ATP13A5: variants seen among roughly 807,000 people sequenced by gnomAD.
The protein encoded by ATP13A5 is probable cation-transporting ATPase 13A5.
A neutral mutation model predicts 150.2 loss-of-function variants in ATP13A5; 149 were observed. The ratio of observed to expected loss-of-function variants is 0.99; its 90% CI spans 0.87 to 1.14. The LOEUF (loss-of-function observed/expected upper bound fraction) is 1.14. ATP13A5 is among the 50% of genes most tolerant of loss of function. The pLI, the probability that ATP13A5 is intolerant of heterozygous loss-of-function variation, is 0.00. For synonymous variants in ATP13A5, 497 were observed against 522.2 expected (o/e 0.95, Z 0.66); for missense variants, 1,383 against 1,449.3 (o/e 0.95, Z 0.74).
chr3:193,289,778 T>A, intron 26 of ATP13A5, 107 bp downstream of exon 26: 13 of 1,039,520 alleles, frequency 1.3e-5, no homozygotes, highest in Non-Finnish European at 1.3e-5. Context: ...AGCGACACAA[T>A]TTGATTAATT....
At chr3:193,374,182 GTAAAATGA>G (rs1713549617) in intron 1 of ATP13A5, among the ~76,000 whole-genome samples, 1 of 152,056 alleles carries the variant, frequency 6.6e-6, no homozygotes, top group Non-Finnish European at 1.5e-5. Context: ...TCCCAGCAGG[GTAAAATGA>G]TAAAATAATA....
At chr3:193,291,608 C>A (rs1717956159) in intron 25 of ATP13A5, among the ~76,000 whole-genome samples, 2 of 152,012 alleles carry the variant, frequency 1.3e-5, no homozygotes, top group Non-Finnish European at 2.9e-5. Flanking sequence ...ATCAGCCTGA[C>A]CTCCAGATAG....
At chr3:193,378,521 A>G in intron 1 of ATP13A5, 142 bp downstream of exon 1, 1 of 740,276 alleles carries the variant, frequency 1.4e-6, no homozygotes, top group Non-Finnish European at 2.3e-6. Context: ...TGCAGCCCTT[A>G]AGGAACCTTA....
chr3:193,354,915 T>C (rs1158806541), intron 5 of ATP13A5, among the ~76,000 whole-genome samples: 2 of 146,018 alleles, frequency 1.4e-5, no homozygotes, highest in African/African-American at 2.6e-5. Flanking sequence ...ATTGCACACA[T>C]CTAGTATGAA....
intron 18 of ATP13A5, 76 bp downstream of exon 18, chr3:193,314,896 C>T (rs1022661080): frequency 2.2e-5 from 34 of 1,546,016 alleles, no homozygotes; most frequent in Non-Finnish European, 2.9e-5. Context: ...GATACATGAA[C>T]TCACTCAGCT....
chr3:193,281,253 A>G, intron 27 of ATP13A5: 1 of 978,656 alleles, frequency 1.0e-6, no homozygotes, highest in Non-Finnish European at 1.2e-6. Flanking sequence ...GTCTGTTCTG[A>G]TGAAGTCCTA....
chr3:193,338,289 G>A (rs887798202), intron 9 of ATP13A5, among the ~76,000 whole-genome samples: 3 of 152,182 alleles, frequency 2.0e-5, no homozygotes, highest in Non-Finnish European at 4.4e-5. Context: ...AGTGGTGAGA[G>A]AGGGCATCCC....
intron 3 of ATP13A5, among the ~76,000 whole-genome samples, 200 bp from the exon 4 acceptor site, chr3:193,362,837 C>T (rs182613475): frequency 6.6e-6 from 1 of 151,564 alleles, no homozygotes; most frequent in Non-Finnish European, 1.5e-5. Context: ...CTCTGTCACC[C>T]AGGCTGGAGT....
intron 24 of ATP13A5, among the ~76,000 whole-genome samples, 162 bp from the exon 25 acceptor site, chr3:193,299,365 G>C (rs1350439480): frequency 1.3e-5 from 2 of 152,026 alleles, no homozygotes; most frequent in African/African-American, 4.8e-5. Context: ...TCATTTTGTA[G>C]AATGAGGCCA....
At position 193,274,808 on chromosome 3, in the gene ATP13A5, A is replaced by C; in HGVS notation, c.*234T>G. On this transcript the variant is annotated 3_prime_UTR_variant, in exon 30 of 30. Coordinates refer to ENST00000342358, the MANE Select transcript of ATP13A5 (RefSeq NM_198505.4). ...AAATAATGCTATGCAAAATGAATAC[A>C]GTTTATTGAAAAGGATGATACAGGA... 1 of 582,524 alleles carries C rather than the reference A, an allele frequency of 1.7e-6. No homozygotes were observed. The highest frequency in any genetic ancestry group is 3.0e-6 in the Non-Finnish European group (1 of 335,442). 36.1% of individuals were successfully genotyped at this position (582,524 alleles called of 1,614,324 possible).
intron 9 of ATP13A5, among the ~76,000 whole-genome samples, chr3:193,337,045 G>T (rs1462735746): frequency 1.3e-5 from 2 of 151,330 alleles, no homozygotes; most frequent in African/African-American, 4.9e-5. Context: ...CTTTTGAGAA[G>T]TGTCTGTTCA....
chr3:193,288,141 T>C (rs943872825), intron 26 of ATP13A5, among the ~76,000 whole-genome samples: 4 of 152,192 alleles, frequency 2.6e-5, no homozygotes, highest in Non-Finnish European at 5.9e-5. Flanking sequence ...TTTCTTGAGA[T>C]GGAATCTGCT....
In ATP13A5 at chr3:193,279,316, A is replaced by G. The variant is rs1373012836; in HGVS notation, c.3315+50T>C. ...TTGACTTGTGAATTACAATGAATAC[A>G]TGGTCCATGTACATGAGTCATGCCA... On this transcript the variant is annotated intron_variant, in intron 28 of 29. Coordinates refer to ENST00000342358, the MANE Select transcript of ATP13A5 (RefSeq NM_198505.4). 5 of 1,360,986 alleles carry G rather than the reference A, an allele frequency of 3.7e-6. No individual in the cohort carries two copies. In the Admixed American group the frequency reaches 5.2e-5, roughly 14 times the overall value. The allele number at this position is 1,360,986 out of a possible 1,614,324, so 84.3% of individuals were successfully genotyped here. A position where few individuals can be genotyped will look rare whatever the true frequency, so the allele number is the denominator to read the frequency against.
intron 25 of ATP13A5, among the ~76,000 whole-genome samples, chr3:193,292,253 C>T (rs1459442297): frequency 6.6e-6 from 1 of 152,108 alleles, no homozygotes; most frequent in Non-Finnish European, 1.5e-5. Context: ...GCTTGGAGTT[C>T]TCTCTGTATT....
chr3:193,324,790 A>G, intron 14 of ATP13A5, 74 bp downstream of exon 14: 1 of 1,529,598 alleles, frequency 6.5e-7, no homozygotes, highest in Non-Finnish European at 8.9e-7. Context: ...GTTTTAACAA[A>G]AATTAGAAAA....
At chr3:193,335,167 G>C in intron 9 of ATP13A5, 68 bp from the exon 10 acceptor site, 1 of 1,468,642 alleles carries the variant, frequency 6.8e-7, no homozygotes, top group East Asian at 2.3e-5. Context: ...GTGCATGCCA[G>C]TTTCAAGAAA....
Position 193,333,856 on chromosome 3 carries a change from G to A in ATP13A5, c.1166C>T (p.Pro389Leu). The A allele has an allele frequency of 1.2e-6, 2 of 1,613,976 alleles. No homozygotes were observed. The highest frequency in any genetic ancestry group is 1.7e-6 in the Non-Finnish European group (2 of 1,179,890). The change falls in exon 11 of 30, where the codon CCT becomes CTT. Residue 389 changes from proline to leucine, a missense_variant. Around this residue, in one of 3 missense-constraint regions of ATP13A5, gnomAD observed 787 missense variants for 771.9 expected, o/e 1.02. Transcript: ENST00000342358. ...DLVRSILYPR[P>L]LNFKLYSDAF... Reference sequence around the variant, plus strand: ...ATCGCTGTATAGTTTGAAGTTCAGAGGCCGGGGGTACAGGATGGATCTCAC... The same window carrying A: ...ATCGCTGTATAGTTTGAAGTTCAGAAGCCGGGGGTACAGGATGGATCTCAC...
At chr3:193,329,992 T>G (rs1169463900) in intron 12 of ATP13A5, among the ~76,000 whole-genome samples, 2 of 152,182 alleles carry the variant, frequency 1.3e-5, no homozygotes, top group Non-Finnish European at 2.9e-5. Flanking sequence ...CTCCTTAGCG[T>G]GGCATATGAG....
intron 25 of ATP13A5, among the ~76,000 whole-genome samples, chr3:193,298,827 T>G (rs1369259774): frequency 6.6e-6 from 1 of 152,144 alleles, no homozygotes; most frequent in African/African-American, 2.4e-5. Flanking sequence ...ACCTTTGGGT[T>G]TTAAAAAATT....
Sources: gnomAD v4.1 joint callset for allele counts (sites outside exome capture counted in the v4.1 genomes callset) on GRCh38, gnomAD v4.1.1 for gene constraint, gnomAD v4.1.1 regional missense constraint, MANE v1.5 for transcripts, NCBI Gene and HGNC (gene_info 2026-07-23, HGNC 2026-07-21) for gene names.